ZNF804B: variants seen among roughly 807,000 people sequenced by gnomAD.
ZNF804B encodes zinc finger protein 804B.
A neutral mutation model predicts 101.4 loss-of-function variants in ZNF804B; 80 were observed. The observed-to-expected ratio is 0.79, with a 90% CI of 0.66 to 0.95. The LOEUF is 0.95. Ranked by LOEUF, ZNF804B falls within the 40% of genes least tolerant of loss-of-function variation. The pLI, the probability that ZNF804B is intolerant of heterozygous loss-of-function variation, is 0.00. For missense variants in ZNF804B, 1,673 were observed against 1,561.9 expected (o/e 1.07, Z -1.20); for synonymous variants, 622 against 558.8 (o/e 1.11, Z -1.59).
At chr7:89,148,653 G>C (rs980770062) in intron 1 of ZNF804B, among the ~76,000 whole-genome samples, 7 of 151,956 alleles carry the variant, frequency 4.6e-5, no homozygotes, top group Non-Finnish European at 7.4e-5. Flanking sequence ...AAAAATCCCA[G>C]ATTTACCCAG....
At chr7:89,287,947 A>G (rs1452062118) in intron 2 of ZNF804B, among the ~76,000 whole-genome samples, 1 of 146,378 alleles carries the variant, frequency 6.8e-6, no homozygotes, top group East Asian at 1.9e-4. Flanking sequence ...AAAAAAAACC[A>G]CATACCACTT....
intron 2 of ZNF804B, among the ~76,000 whole-genome samples, chr7:89,281,240 A>T (rs879874969): frequency 6.6e-6 from 1 of 152,190 alleles, no homozygotes; most frequent in Non-Finnish European, 1.5e-5. Context: ...ATTAATTAAT[A>T]ATCTTTTATT....
At chr7:88,908,542 G>T (rs1226351978) in intron 1 of ZNF804B, among the ~76,000 whole-genome samples, 3 of 151,746 alleles carry the variant, frequency 2.0e-5, no homozygotes, top group Non-Finnish European at 4.4e-5. Context: ...ACATATTCAT[G>T]CATCATTTTC....
At position 89,113,403 on chromosome 7, in the gene ZNF804B, C is replaced by T. The variant is rs73705714; in HGVS notation, c.109-104752C>T. On this transcript the variant is annotated intron_variant, in intron 1 of 3. Transcript: ENST00000333190. ...AAAAAAATAGCATAAAGAGTGAAAG[C>T]GCAAGGGGAAACCAAATTTCATGGA... is the stretch of plus-strand genomic sequence containing the variant. 1.0e-3 allele frequency among the ~76,000 whole-genome samples: 153 copies of T among 151,924 alleles called. 1 individual carries two copies. The highest frequency in any genetic ancestry group is 3.2e-3 in the African/African-American group (134 of 41,432).
chr7:89,211,087 T>A (rs975558650), intron 1 of ZNF804B, among the ~76,000 whole-genome samples: 1 of 152,226 alleles, frequency 6.6e-6, no homozygotes, highest in Non-Finnish European at 1.5e-5. Context: ...ATTTCTCTAA[T>A]GATCAGTGAT....
chr7:89,135,141 C>A (rs1260628291), intron 1 of ZNF804B, among the ~76,000 whole-genome samples: 1 of 152,118 alleles, frequency 6.6e-6, no homozygotes, highest in African/African-American at 2.4e-5. Flanking sequence ...AAGCATCCAT[C>A]ACCATTTCTT....
At chr7:88,838,708 C>A (rs1234696749) in intron 1 of ZNF804B, among the ~76,000 whole-genome samples, 2 of 151,730 alleles carry the variant, frequency 1.3e-5, no homozygotes, top group Non-Finnish European at 2.9e-5. Context: ...ATGGTCAAAC[C>A]CTGTAAACTC....
chr7:88,919,770 T>G (rs1792692459), intron 1 of ZNF804B, among the ~76,000 whole-genome samples: 1 of 152,138 alleles, frequency 6.6e-6, no homozygotes, highest in Non-Finnish European at 1.5e-5. Flanking sequence ...CCTACTGTAA[T>G]AATTCTGATT....
intron 1 of ZNF804B, among the ~76,000 whole-genome samples, chr7:89,163,569 T>A (rs1365096105): frequency 2.6e-5 from 4 of 152,192 alleles, no homozygotes; most frequent in Non-Finnish European, 5.9e-5. Flanking sequence ...TATCTTTTTT[T>A]CCTTTGCTTA....
chr7:89,336,540 T>A lies in ZNF804B; in HGVS notation c.3558T>A (p.Pro1186=). The A allele has an allele frequency of 2.5e-6, 4 of 1,614,080 alleles. No individual in the cohort carries two copies. The highest frequency in any genetic ancestry group is 3.4e-6 in the Non-Finnish European group (4 of 1,180,014). The part of the protein sequence containing the change: ...KHLRVLPAAG[P]TAFSPASTVQ... ...TTCGAGTTTTGCCTGCTGCAGGGCC[T>A]ACTGCCTTCTCTCCGGCCTCAACCG... The change falls in exon 4 of 4, where the codon CCT becomes CCA. Residue 1186 remains proline, a synonymous_variant. Coordinates refer to ENST00000333190, the MANE Select transcript of ZNF804B (RefSeq NM_181646.5).
chr7:89,158,807 G>A (rs747494691), intron 1 of ZNF804B, among the ~76,000 whole-genome samples: 29 of 151,928 alleles, frequency 1.9e-4, no homozygotes, highest in Non-Finnish European at 3.1e-4. Flanking sequence ...GACTTGACTT[G>A]TACCTTTCTT....
intron 1 of ZNF804B, among the ~76,000 whole-genome samples, chr7:89,034,649 A>AAC (rs1415776923): frequency 6.6e-6 from 1 of 152,148 alleles, no homozygotes; most frequent in Non-Finnish European, 1.5e-5. Flanking sequence ...CCAGTCTATC[A>AAC]CTGATGGGCA....
chr7:88,901,530 A>G (rs1164441348), intron 1 of ZNF804B, among the ~76,000 whole-genome samples: 1 of 151,844 alleles, frequency 6.6e-6, no homozygotes, highest in Non-Finnish European at 1.5e-5. Flanking sequence ...ACATGGTTTT[A>G]GGCTTAACTA....
chr7:89,223,753 A>AT (rs1473272002), intron 2 of ZNF804B, among the ~76,000 whole-genome samples: 2 of 151,756 alleles, frequency 1.3e-5, no homozygotes, highest in African/African-American at 2.4e-5. Context: ...AACACACCTG[A>AT]TTTTTTAAAT....
chr7:89,301,956 C>T (rs767601808), intron 2 of ZNF804B, among the ~76,000 whole-genome samples: 18 of 151,798 alleles, frequency 1.2e-4, no homozygotes, highest in Middle Eastern at 3.2e-3. Context: ...GTATCAATAT[C>T]TTTATTAAGG....
intron 1 of ZNF804B, among the ~76,000 whole-genome samples, chr7:89,050,724 A>G (rs1789189111): frequency 6.6e-6 from 1 of 152,136 alleles, no homozygotes; most frequent in Non-Finnish European, 1.5e-5. Flanking sequence ...CTGCTTTTTC[A>G]AAACAGTTCA....
At chr7:89,135,202 C>T (rs1365639653) in intron 1 of ZNF804B, among the ~76,000 whole-genome samples, 1 of 152,106 alleles carries the variant, frequency 6.6e-6, no homozygotes, top group Non-Finnish European at 1.5e-5. Flanking sequence ...CACCAAGATA[C>T]TTTTCCTGAT....
At chr7:88,794,383 T>C (rs1333459668) in intron 1 of ZNF804B, 1 of 1,613,854 alleles carries the variant, frequency 6.2e-7, no homozygotes, top group Non-Finnish European at 8.5e-7. Flanking sequence ...TTTCATAGTC[T>C]GGCAAAGGTA....
intron 1 of ZNF804B, among the ~76,000 whole-genome samples, chr7:88,941,010 A>G (rs953388840): frequency 6.6e-6 from 1 of 151,894 alleles, no homozygotes; most frequent in African/African-American, 2.4e-5. Context: ...GCAAATAAGC[A>G]TATGAAAAGA....
Sources: allele counts gnomAD v4.1 joint callset (sites outside exome capture counted in the v4.1 genomes callset), GRCh38; gene constraint gnomAD v4.1.1; transcripts MANE v1.5; gene names NCBI Gene and HGNC (gene_info 2026-07-23, HGNC 2026-07-21).